SELENOT: variants seen among roughly 807,000 people sequenced by gnomAD.
SELENOT encodes thioredoxin reductase-like selenoprotein T.
SELENOT carries 9 observed loss-of-function variants against 24.3 expected under a neutral mutation model. The observed-to-expected ratio is 0.37, with a 90% CI of 0.22 to 0.65. The LOEUF (loss-of-function observed/expected upper bound fraction) is 0.65. SELENOT is among the 30% of genes least tolerant of loss of function. The probability of loss-of-function intolerance (pLI) is 0.60; values close to 1 mark genes in which losing one functional copy is unlikely to be tolerated. For synonymous variants in SELENOT, 81 were observed against 86.0 expected, an observed-to-expected ratio of 0.94 and a Z score of 0.32; for missense variants, 166 against 247.6, an observed-to-expected ratio of 0.67 and a Z score of 2.21.
At chr3:150,614,118 C>T (rs554444311) in intron 1 of SELENOT, among the ~76,000 whole-genome samples, 5 of 151,880 alleles carry the variant, frequency 3.3e-5, no homozygotes, top group South Asian at 4.2e-4. Context: ...GGCTTATAGA[C>T]GCTGTTATAA....
At chr3:150,604,864 C>A (rs1725924068) in intron 1 of SELENOT, among the ~76,000 whole-genome samples, 1 of 152,082 alleles carries the variant, frequency 6.6e-6, no homozygotes, top group South Asian at 2.1e-4. Context: ...GGAGAAACCC[C>A]CATCTCTACT....
intron 1 of SELENOT, among the ~76,000 whole-genome samples, chr3:150,621,797 C>CT (rs921784773): frequency 2.6e-5 from 4 of 151,950 alleles, no homozygotes; most frequent in Admixed American, 6.6e-5. Flanking sequence ...TAGAAGGGTT[C>CT]TAAGTCTAAG....
chr3:150,609,686 T>C (rs893905586), intron 1 of SELENOT, among the ~76,000 whole-genome samples: 9 of 152,174 alleles, frequency 5.9e-5, no homozygotes, highest in Admixed American at 1.3e-4. Context: ...TCTGTCAGGA[T>C]ATAGAAAGTT....
At chr3:150,621,614 CTTTTTTT>C (rs35489270) in intron 1 of SELENOT, among the ~76,000 whole-genome samples, 20 of 80,576 alleles carry the variant, frequency 2.5e-4, no homozygotes, top group African/African-American at 8.0e-4. Flanking sequence ...GGCATATTTC[CTTTTTTT>C]TTTTTTTTTT....
At chr3:150,611,659 T>G in intron 1 of SELENOT, 1 of 1,599,786 alleles carries the variant, frequency 6.3e-7, no homozygotes, top group South Asian at 1.1e-5. Flanking sequence ...TGGATCCTCT[T>G]GCTGAAGCTG....
In SELENOT at chr3:150,627,814, T is replaced by A. The variant is rs796757684; in HGVS notation, c.*185T>A. ...AGATAGTGTTTCAGTGCTGGCATAT[T>A]TTGGAATTCTGCACATTCATGGAGT... On this transcript the variant is annotated 3_prime_UTR_variant, in exon 6 of 6. Coordinates refer to ENST00000471696, the MANE Select transcript of SELENOT (RefSeq NM_016275.5). The A allele has an allele frequency of 2.5e-4, 38 of 152,668 alleles. No individual in the cohort carries two copies. Among genetic ancestry groups the A allele is most frequent in the African/African-American group, 8.9e-4 (37 of 41,560 alleles). 9.5% of individuals were successfully genotyped at this position (152,668 alleles called of 1,614,324 possible).
intron 4 of SELENOT, 73 bp downstream of exon 4, chr3:150,624,972 T>C: frequency 1.4e-6 from 1 of 714,496 alleles, no homozygotes; most frequent in East Asian, 3.3e-5. Context: ...TTTTATCTTT[T>C]ATAATAAGAT....
chr3:150,611,722 T>C (rs952113914), intron 1 of SELENOT: 11 of 1,579,702 alleles, frequency 7.0e-6, no homozygotes, highest in Middle Eastern at 1.7e-4. Flanking sequence ...GGCAGCACAG[T>C]TGCCAGGAGC....
chr3:150,612,403 A>AT (rs1253055617), intron 1 of SELENOT, among the ~76,000 whole-genome samples: 5 of 152,008 alleles, frequency 3.3e-5, no homozygotes, highest in African/African-American at 4.8e-5. Context: ...ATATATATAT[A>AT]TTTTTAATGT....
At chr3:150,606,790 A>G (rs1725975847) in intron 1 of SELENOT, among the ~76,000 whole-genome samples, 1 of 152,090 alleles carries the variant, frequency 6.6e-6, no homozygotes, top group Non-Finnish European at 1.5e-5. Flanking sequence ...ACGGGGTTTC[A>G]CCATGTTGGC....
chr3:150,625,146 G>A (rs1726414301), intron 4 of SELENOT, among the ~76,000 whole-genome samples: 2 of 151,286 alleles, frequency 1.3e-5, no homozygotes, highest in South Asian at 4.2e-4. Flanking sequence ...TCCTTGAGGA[G>A]TTGGCCCTAT....
intron 1 of SELENOT, chr3:150,611,510 A>T (rs1726091446): frequency 4.6e-6 from 5 of 1,089,660 alleles, no homozygotes; most frequent in Non-Finnish European, 5.7e-6. Context: ...TGAACAGGTG[A>T]ATCACCTCCA....
chr3:150,623,496 A>G (rs1314861112), intron 3 of SELENOT, among the ~76,000 whole-genome samples: 1 of 152,142 alleles, frequency 6.6e-6, no homozygotes, highest in African/African-American at 2.4e-5. Context: ...AACATAATAT[A>G]TACATAATGC....
chr3:150,624,147 G>T (rs531833921), intron 3 of SELENOT, among the ~76,000 whole-genome samples: 2 of 152,172 alleles, frequency 1.3e-5, no homozygotes, highest in African/African-American at 4.8e-5. Context: ...ATTCCCAAAT[G>T]GTAGAGTAAT....
At chr3:150,618,903 T>C (rs1252078040) in intron 1 of SELENOT, 1 of 152,212 alleles carries the variant, frequency 6.6e-6, no homozygotes, top group Non-Finnish European at 1.5e-5. Context: ...AAATTTCCTT[T>C]CTGTTCTGCA....
At chr3:150,621,474 C>T (rs1576533938) in intron 1 of SELENOT, among the ~76,000 whole-genome samples, 1 of 152,078 alleles carries the variant, frequency 6.6e-6, no homozygotes, top group Admixed American at 6.5e-5. Flanking sequence ...CAAGTGGTAC[C>T]TTATGATATT....
chr3:150,603,618 T>G (rs1171390908), intron 1 of SELENOT, 119 bp downstream of exon 1: 1 of 1,221,690 alleles, frequency 8.2e-7, no homozygotes, highest in Non-Finnish European at 1.1e-6. Context: ...CGTAGAACTG[T>G]GCCGGCGCCC....
chr3:150,608,996 G>A (rs1221952978), intron 1 of SELENOT, among the ~76,000 whole-genome samples: 2 of 152,080 alleles, frequency 1.3e-5, no homozygotes, highest in Non-Finnish European at 2.9e-5. Context: ...TCTTTCTCTC[G>A]CCTGATTGTT....
chr3:150,616,204 A>G (rs1212997759), intron 1 of SELENOT, among the ~76,000 whole-genome samples: 7 of 147,212 alleles, frequency 4.8e-5, no homozygotes, highest in African/African-American at 1.5e-4. Context: ...TCAATTCAAG[A>G]TGGATTAAAG....
Sources: gnomAD v4.1 joint callset for allele counts (sites outside exome capture counted in the v4.1 genomes callset) on GRCh38, gnomAD v4.1.1 for gene constraint, MANE v1.5 for transcripts, NCBI Gene and HGNC (gene_info 2026-07-23, HGNC 2026-07-21) for gene names.